CNTN4: variants seen among roughly 807,000 people sequenced by gnomAD.
The protein encoded by CNTN4 is contactin-4.
In CNTN4, 77 loss-of-function variants were observed where a neutral mutation model predicts 122.5. The ratio of observed to expected loss-of-function variants is 0.63; its 90% CI spans 0.52 to 0.76. The LOEUF (loss-of-function observed/expected upper bound fraction) is 0.76, where lower values mean the gene tolerates loss of function less well. Among genes scored for constraint, CNTN4 ranks in the 30% least tolerant of loss-of-function variants. CNTN4 has a pLI of 0.00. For synonymous variants in CNTN4, 512 were observed against 447.0 expected (o/e 1.15, Z -1.83); for missense variants, 1,256 against 1,259.1 (o/e 1.00, Z 0.04).
chr3:2,798,678 T>C (rs1008490502), intron 6 of CNTN4, among the ~76,000 whole-genome samples: 2 of 152,118 alleles, frequency 1.3e-5, no homozygotes, highest in African/African-American at 4.8e-5. Context: ...CTTGGCTGTT[T>C]TTTTGTATTT....
intron 23 of CNTN4, among the ~76,000 whole-genome samples, chr3:3,044,696 T>C (rs1416683457): frequency 2.0e-5 from 3 of 152,178 alleles, no homozygotes; most frequent in Admixed American, 6.5e-5. Context: ...CGCAGTAGAC[T>C]GGTGATTTCT....
intron 2 of CNTN4, among the ~76,000 whole-genome samples, chr3:2,295,789 T>C (rs2042290176): frequency 6.6e-6 from 1 of 152,170 alleles, no homozygotes; most frequent in Admixed American, 6.5e-5. Context: ...TAGGTTTTTT[T>C]CTAGGGTTTT....
At position 2,304,244 on chromosome 3, in the gene CNTN4, A is replaced by C. The variant is rs2042626126; in HGVS notation, c.-144-34934A>C. ...TATATGCTTATTAACTTTATCCTTC[A>C]TATCAAATTAAATTTGTTATTGAAT... On this transcript the variant is annotated intron_variant, in intron 2 of 24. Transcript: ENST00000418658. 4.6e-5 allele frequency among the ~76,000 whole-genome samples: 7 copies of C among 152,308 alleles called. No homozygotes were observed. In the South Asian group the frequency reaches 1.4e-3, roughly 32 times the overall value.
intron 4 of CNTN4, among the ~76,000 whole-genome samples, chr3:2,572,512 G>A (rs1329569856): frequency 6.6e-6 from 1 of 152,226 alleles, no homozygotes; most frequent in African/African-American, 2.4e-5. Flanking sequence ...CAGAAGTCCA[G>A]CATGCAGCGG....
At chr3:3,003,167 G>C (rs1696219167) in intron 14 of CNTN4, among the ~76,000 whole-genome samples, 1 of 152,148 alleles carries the variant, frequency 6.6e-6, no homozygotes, top group Non-Finnish European at 1.5e-5. Flanking sequence ...TTGATTCCAA[G>C]GTGGTGCCTT....
chr3:2,311,601 A>G (rs2042919485), intron 2 of CNTN4, among the ~76,000 whole-genome samples: 1 of 152,062 alleles, frequency 6.6e-6, no homozygotes, highest in Non-Finnish European at 1.5e-5. Context: ...CAAATAACTG[A>G]TGTTCCTTTT....
At chr3:2,267,123 G>A (rs2041084928) in intron 2 of CNTN4, among the ~76,000 whole-genome samples, 1 of 152,050 alleles carries the variant, frequency 6.6e-6, no homozygotes, top group African/African-American at 2.4e-5. Flanking sequence ...CGGAAAGATA[G>A]CATTCACCTC....
chr3:2,922,224 C>T (rs916148498), intron 12 of CNTN4, among the ~76,000 whole-genome samples: 7 of 152,248 alleles, frequency 4.6e-5, no homozygotes, highest in East Asian at 1.9e-4. Flanking sequence ...TAAGTGCCAG[C>T]GAAGGTTAGA....
intron 14 of CNTN4, among the ~76,000 whole-genome samples, chr3:2,994,734 T>C (rs893445302): frequency 1.3e-5 from 2 of 152,116 alleles, no homozygotes; most frequent in Non-Finnish European, 1.5e-5. Flanking sequence ...TTTCCATGCA[T>C]AGCATAATAG....
chr3:2,404,735 G>T (rs2046971970), intron 3 of CNTN4, among the ~76,000 whole-genome samples: 1 of 152,158 alleles, frequency 6.6e-6, no homozygotes, highest in Non-Finnish European at 1.5e-5. Context: ...AGAATAATCA[G>T]TAAATGGGAA....
At position 2,745,514 on chromosome 3, in the gene CNTN4, T is replaced by C. The variant is rs946977948; in HGVS notation, c.183-8T>C. ...AAGACTTTATCTACTGGCATTTTTA[T>C]ACTATAGGTGGAAGTTAAATGGAAC... is the stretch of plus-strand genomic sequence containing the variant. On this transcript the variant is annotated splice_region_variant and splice_polypyrimidine_tract_variant and intron_variant, in intron 5 of 24. Transcript: ENST00000418658. 6.2e-7 allele frequency: 1 copy of C among 1,611,344 alleles called. No individual in the cohort carries two copies. The highest frequency in any genetic ancestry group is 1.3e-5 in the African/African-American group (1 of 74,882).
intron 14 of CNTN4, among the ~76,000 whole-genome samples, chr3:2,989,416 C>T (rs535118446): frequency 6.6e-6 from 1 of 152,192 alleles, no homozygotes; most frequent in Non-Finnish European, 1.5e-5. Flanking sequence ...CATATTATTT[C>T]CTTCTTGCCC....
At chr3:2,213,554 A>C (rs1168852077) in intron 2 of CNTN4, among the ~76,000 whole-genome samples, 4 of 152,216 alleles carry the variant, frequency 2.6e-5, no homozygotes, top group African/African-American at 9.6e-5. Context: ...AGTAGCAATC[A>C]GCATTAATAT....
At chr3:2,125,187 ATACCT>A (rs961320906) in intron 2 of CNTN4, among the ~76,000 whole-genome samples, 3 of 152,052 alleles carry the variant, frequency 2.0e-5, no homozygotes, top group Admixed American at 1.3e-4. Flanking sequence ...ACTATTTTAG[ATACCT>A]TATATAAGTA....
At chr3:2,683,184 A>G (rs536358064) in intron 4 of CNTN4, among the ~76,000 whole-genome samples, 2 of 152,186 alleles carry the variant, frequency 1.3e-5, no homozygotes, top group South Asian at 4.1e-4. Flanking sequence ...AGACTTGGGT[A>G]TAGTTATTTT....
chr3:2,512,606 C>G lies in CNTN4; in HGVS notation c.-88-58810C>G, dbSNP rs115908473. 3.3e-3 allele frequency among the ~76,000 whole-genome samples: 501 copies of G among 152,270 alleles called. 2 individuals are homozygous for G. Among genetic ancestry groups the G allele is most frequent in the African/African-American group, 0.012 (478 of 41,562 alleles). Reference sequence around the variant, plus strand: ...CTGTTTCCCTAACCTAAACATAAATCACACCTGTCTTTTTTTATTAAAAGT... The same window carrying G: ...CTGTTTCCCTAACCTAAACATAAATGACACCTGTCTTTTTTTATTAAAAGT... On this transcript the variant is annotated intron_variant, in intron 3 of 24. Transcript: ENST00000418658.
intron 23 of CNTN4, among the ~76,000 whole-genome samples, chr3:3,045,153 G>T (rs1419650508): frequency 6.6e-6 from 1 of 152,214 alleles, no homozygotes; most frequent in Non-Finnish European, 1.5e-5. Flanking sequence ...CAAACTGGGT[G>T]GAGCCCACTG....
At chr3:2,269,335 A>G (rs941661961) in intron 2 of CNTN4, among the ~76,000 whole-genome samples, 37 of 152,096 alleles carry the variant, frequency 2.4e-4, no homozygotes, top group African/African-American at 8.7e-4. Context: ...TTGAAATAAC[A>G]TATGTTCTCC....
intron 3 of CNTN4, among the ~76,000 whole-genome samples, chr3:2,482,024 T>G (rs896392295): frequency 6.6e-6 from 1 of 152,218 alleles, no homozygotes; most frequent in African/African-American, 2.4e-5. Context: ...AGTGGGGTGC[T>G]GCTATAAAGA....
Sources: allele counts gnomAD v4.1 joint callset (sites outside exome capture counted in the v4.1 genomes callset), GRCh38; gene constraint gnomAD v4.1.1; transcripts MANE v1.5; gene names NCBI Gene and HGNC (gene_info 2026-07-23, HGNC 2026-07-21).